Variants in VPS8 observed in about 807,000 individuals in gnomAD.
VPS8 encodes the protein vacuolar protein sorting-associated protein 8 homolog.
Under a neutral mutation model 216.4 loss-of-function variants are expected in VPS8, and 129 were observed. The observed-to-expected ratio is 0.60, with a 90% CI of 0.52 to 0.69. VPS8 has a LOEUF of 0.69. Ranked by LOEUF, VPS8 falls within the 30% of genes least tolerant of loss-of-function variation. The pLI is 0.00. For missense variants in VPS8, 1,531 were observed against 1,683.5 expected, an observed-to-expected ratio of 0.91 and a Z score of 1.59; for synonymous variants, 571 against 565.4, an observed-to-expected ratio of 1.01 and a Z score of -0.14.
At chr3:184,957,267 G>C in intron 36 of VPS8, 107 bp from the exon 37 acceptor site, 1 of 1,145,824 alleles carries the variant, frequency 8.7e-7, no homozygotes, top group Non-Finnish European at 1.2e-6. Flanking sequence ...CTGACCAGCA[G>C]GTAGTCCTAG....
chr3:184,884,640 C>G (rs1730883182), intron 21 of VPS8, among the ~76,000 whole-genome samples: 1 of 151,790 alleles, frequency 6.6e-6, no homozygotes, highest in African/African-American at 2.4e-5. Flanking sequence ...TTTCTAATTT[C>G]CTTTCATTGA....
chr3:184,922,372 AGACTGTGAG>A (rs1414687347), intron 29 of VPS8: 1 of 449,446 alleles, frequency 2.2e-6, no homozygotes, highest in Non-Finnish European at 4.5e-6. Flanking sequence ...CTGAAGGTAG[AGACTGTGAG>A]GATTATTCTA....
intron 36 of VPS8, among the ~76,000 whole-genome samples, chr3:184,954,480 G>C (rs899651592): frequency 6.6e-6 from 1 of 152,112 alleles, no homozygotes; most frequent in African/African-American, 2.4e-5. Context: ...GGCTGGCCAG[G>C]AGCCTCCAGC....
intron 36 of VPS8, among the ~76,000 whole-genome samples, chr3:184,946,212 T>A (rs1466558713): frequency 6.6e-6 from 1 of 152,234 alleles, no homozygotes; most frequent in East Asian, 1.9e-4. Flanking sequence ...TTAGCAGAAT[T>A]CAGGCTCTTC....
intron 11 of VPS8, 149 bp from the exon 12 acceptor site, chr3:184,853,708 T>TA: frequency 2.7e-6 from 2 of 750,364 alleles, no homozygotes; most frequent in South Asian, 3.8e-5. Context: ...ACTTGTATAA[T>TA]AAAAAGACCA....
At chr3:184,882,107 T>A (rs1407720802) in intron 21 of VPS8, among the ~76,000 whole-genome samples, 1 of 152,032 alleles carries the variant, frequency 6.6e-6, no homozygotes, top group Non-Finnish European at 1.5e-5. Context: ...AACTTCAGCA[T>A]TGTATTGAAG....
chr3:185,031,063 G>GT (rs765510619), intron 46 of VPS8, among the ~76,000 whole-genome samples: 3,685 of 64,274 alleles, frequency 0.057, 442 homozygotes, highest in Non-Finnish European at 0.066. Flanking sequence ...ACAGGTTGGC[G>GT]TTTTTTTTTT....
rs17763131 is a variant in VPS8 at position 184,952,170 on chromosome 3, T to G, written c.3036-5204T>G. ...ATAAACCTCTGGAAAACACACTGGC[T>G]CATCTGAATGTGGGGAAACATTGGT... On this transcript the variant is annotated intron_variant, in intron 36 of 47. Coordinates refer to ENST00000625842, the MANE Select transcript of VPS8 (RefSeq NM_001009921.3). Among the ~76,000 whole-genome samples, 745 of 152,334 alleles carry G rather than the reference T, an allele frequency of 4.9e-3. 13 individuals are homozygous for G. Among genetic ancestry groups the G allele is most frequent in the Admixed American group, 0.036 (558 of 15,304 alleles).
intron 46 of VPS8, among the ~76,000 whole-genome samples, chr3:185,045,178 A>ATTACGAATT (rs1342167576): frequency 6.6e-6 from 1 of 151,508 alleles, no homozygotes; most frequent in South Asian, 2.1e-4. Flanking sequence ...CACCAGTGTC[A>ATTACGAATT]ATACAAAGTG....
chr3:185,003,061 C>T (rs1395957747), intron 45 of VPS8, among the ~76,000 whole-genome samples: 1 of 152,116 alleles, frequency 6.6e-6, no homozygotes, highest in Admixed American at 6.5e-5. Context: ...TTTACATTCC[C>T]ACTAGCAGTG....
intron 46 of VPS8, among the ~76,000 whole-genome samples, chr3:185,047,679 A>G (rs891856993): frequency 2.0e-5 from 3 of 152,170 alleles, no homozygotes; most frequent in South Asian, 4.2e-4. Flanking sequence ...CACTTTAAAT[A>G]TATATCTCAT....
intron 40 of VPS8, 34 bp from the exon 41 acceptor site, chr3:184,982,531 CT>C: frequency 6.6e-7 from 1 of 1,518,918 alleles, no homozygotes; most frequent in Non-Finnish European, 9.0e-7. Flanking sequence ...TCTTTGACCA[CT>C]TTTCTTTTTC....
intron 45 of VPS8, among the ~76,000 whole-genome samples, chr3:185,007,777 G>T (rs867657836): frequency 1.3e-5 from 2 of 152,186 alleles, no homozygotes; most frequent in Middle Eastern, 6.8e-3. Context: ...GTCTTTTGGG[G>T]TAAATGTACA....
At chr3:184,983,476 G>A (rs970104853) in intron 42 of VPS8, among the ~76,000 whole-genome samples, 2 of 152,110 alleles carry the variant, frequency 1.3e-5, no homozygotes, top group African/African-American at 4.8e-5. Context: ...CTAAGCATTG[G>A]TTGTTATTTA....
Position 184,839,179 on chromosome 3 carries a change from G to A in VPS8, c.480+433G>A, listed in dbSNP as rs141246721. ...GTTGCAGTATTGTAGAGAACTAGGGGATATTGAAAGCACGCTGGTACTCTC... is the reference window on the plus strand; with the variant it reads ...GTTGCAGTATTGTAGAGAACTAGGGAATATTGAAAGCACGCTGGTACTCTC... On this transcript the variant is annotated intron_variant, in intron 6 of 47. Coordinates refer to ENST00000625842, the MANE Select transcript of VPS8 (RefSeq NM_001009921.3). 640 of 179,162 alleles carry A rather than the reference G, an allele frequency of 3.6e-3. 8 individuals carry two copies. The highest frequency in any genetic ancestry group is 0.014 in the African/African-American group (577 of 42,022). 11.1% of individuals were successfully genotyped at this position (179,162 alleles called of 1,614,324 possible).
At chr3:185,011,915 A>G (rs144852122) in intron 45 of VPS8, among the ~76,000 whole-genome samples, 34 of 152,332 alleles carry the variant, frequency 2.2e-4, no homozygotes, top group African/African-American at 7.7e-4. Flanking sequence ...ATTTCGTGGA[A>G]AAGATTAACA....
rs1577888866 is a variant in VPS8, at chr3:184,850,155, A to T, written c.753+133A>T. On this transcript the variant is annotated intron_variant, in intron 10 of 47. Transcript: ENST00000625842. ...CATGAAGCTGAACATTACCTTATAAATAGAATCCTCAACATTGAGCTGTCT... is the reference window on the plus strand; with the variant it reads ...CATGAAGCTGAACATTACCTTATAATTAGAATCCTCAACATTGAGCTGTCT... 17 of 684,320 alleles carry T rather than the reference A, an allele frequency of 2.5e-5. No homozygotes were observed. In the South Asian group the frequency reaches 3.3e-4, roughly 13 times the overall value. 42.4% of individuals were successfully genotyped at this position (684,320 alleles called of 1,614,324 possible).
At chr3:184,844,819 G>A (rs941468428) in intron 8 of VPS8, among the ~76,000 whole-genome samples, 17 of 152,182 alleles carry the variant, frequency 1.1e-4, no homozygotes, top group Non-Finnish European at 2.5e-4. Context: ...GTGATATTTG[G>A]CCTTCAAGTT....
chr3:184,908,255 G>A (rs1019155253), intron 25 of VPS8, among the ~76,000 whole-genome samples: 7 of 152,168 alleles, frequency 4.6e-5, no homozygotes, highest in African/African-American at 1.2e-4. Context: ...CGCTGAGGAT[G>A]GGGCATTTGA....
Sources: allele counts gnomAD v4.1 joint callset (sites outside exome capture counted in the v4.1 genomes callset), GRCh38; gene constraint gnomAD v4.1.1; transcripts MANE v1.5; gene names NCBI Gene and HGNC (gene_info 2026-07-23, HGNC 2026-07-21).